The following CD86 variants were observed in gnomAD, a reference collection of about 807,000 sequenced individuals.
CD86 encodes the protein CD86 molecule.
CD86 carries 11 observed loss-of-function variants against 32.1 expected under a neutral mutation model. The ratio of observed to expected loss-of-function variants is 0.34; its 90% CI spans 0.22 to 0.57. The LOEUF (loss-of-function observed/expected upper bound fraction) is 0.57, where lower values mean the gene tolerates loss of function less well. Ranked by LOEUF, CD86 falls within the 20% of genes least tolerant of loss-of-function variation. CD86 has a pLI of 0.86. For missense variants in CD86, 359 were observed against 398.4 expected, an observed-to-expected ratio of 0.90 and a Z score of 0.84; for synonymous variants, 137 against 135.3, an observed-to-expected ratio of 1.01 and a Z score of -0.09.
At position 122,090,403 on chromosome 3, in the gene CD86, T is replaced by C. The variant is rs888493681; in HGVS notation, c.15-1198T>C. Among the ~76,000 whole-genome samples the C allele has an allele frequency of 7.2e-5, 11 of 152,220 alleles. 1 individual carries two copies. The highest frequency in any genetic ancestry group is 4.1e-4 in the South Asian group (2 of 4,832). ...ATTGATTTGTTTTTATCAACAGACCTATGAATTTAGTGGACAGACCTGTGA... is the reference window on the plus strand; with the variant it reads ...ATTGATTTGTTTTTATCAACAGACCCATGAATTTAGTGGACAGACCTGTGA... On this transcript the variant is annotated intron_variant, in intron 1 of 6. Coordinates refer to ENST00000330540, the MANE Select transcript of CD86 (RefSeq NM_175862.5).
chr3:122,071,089 T>G (rs2072482733), intron 1 of CD86, among the ~76,000 whole-genome samples: 1 of 152,244 alleles, frequency 6.6e-6, no homozygotes, highest in Non-Finnish European at 1.5e-5. Flanking sequence ...ATTAGTGTGA[T>G]GTATTTCTTA....
intron 1 of CD86, among the ~76,000 whole-genome samples, chr3:122,060,232 A>G (rs989247512): frequency 6.6e-6 from 1 of 152,218 alleles, no homozygotes; most frequent in African/African-American, 2.4e-5. Flanking sequence ...AATTCTGCAG[A>G]AAGGCGAAGT....
chr3:122,059,419 C>T (rs756160233), intron 1 of CD86, among the ~76,000 whole-genome samples: 2 of 151,934 alleles, frequency 1.3e-5, no homozygotes, highest in South Asian at 2.1e-4. Flanking sequence ...GCCTGTAGTC[C>T]CAGCTACTTG....
intron 1 of CD86, among the ~76,000 whole-genome samples, chr3:122,083,045 T>G (rs1401047743): frequency 6.6e-6 from 1 of 152,180 alleles, no homozygotes; most frequent in African/African-American, 2.4e-5. Flanking sequence ...TTAATTATAA[T>G]TCTAAATATT....
intron 5 of CD86, among the ~76,000 whole-genome samples, chr3:122,114,599 G>A (rs372077565): frequency 6.6e-6 from 1 of 152,158 alleles, no homozygotes; most frequent in Non-Finnish European, 1.5e-5. Context: ...AACATCTCTC[G>A]TGAAATGCTT....
chr3:122,074,367 CAA>C (rs1245611415), intron 1 of CD86, among the ~76,000 whole-genome samples: 21 of 152,204 alleles, frequency 1.4e-4, no homozygotes, highest in Non-Finnish European at 3.1e-4. Context: ...TGGGCTTTCA[CAA>C]AAGTCTGGAT....
intron 1 of CD86, among the ~76,000 whole-genome samples, chr3:122,070,666 C>A (rs994814831): frequency 2.0e-5 from 3 of 152,054 alleles, no homozygotes; most frequent in Non-Finnish European, 2.9e-5. Flanking sequence ...AAAACTGGGG[C>A]CTTTTCTTTA....
chr3:122,102,434 G>A (rs1311043771), intron 2 of CD86, among the ~76,000 whole-genome samples: 1 of 5,172 alleles, frequency 1.9e-4, no homozygotes, highest in Non-Finnish European at 4.4e-4. Context: ...TTTTTTTTTT[G>A]CCAAGTCTCA....
At chr3:122,063,291 A>C (rs1178094545) in intron 1 of CD86, among the ~76,000 whole-genome samples, 1 of 152,164 alleles carries the variant, frequency 6.6e-6, no homozygotes, top group Non-Finnish European at 1.5e-5. Flanking sequence ...TAATTATAAA[A>C]ATGTTTATAT....
intron 3 of CD86, among the ~76,000 whole-genome samples, chr3:122,104,946 G>A (rs2073068247): frequency 1.3e-5 from 2 of 152,144 alleles, no homozygotes; most frequent in Admixed American, 1.3e-4. Context: ...ACCCAGGTGT[G>A]GTATTACTGG....
chr3:122,083,241 C>A (rs1032389689), intron 1 of CD86, among the ~76,000 whole-genome samples: 14 of 152,166 alleles, frequency 9.2e-5, no homozygotes, highest in Non-Finnish European at 5.9e-5. Flanking sequence ...CTGATGATAT[C>A]AGTCTCAGCT....
At chr3:122,110,441 T>C (rs768607679) in intron 5 of CD86, among the ~76,000 whole-genome samples, 14 of 152,208 alleles carry the variant, frequency 9.2e-5, no homozygotes, top group Non-Finnish European at 1.8e-4. Context: ...TGATTGGTGC[T>C]AATAATTAAG....
chr3:122,075,924 A>G (rs2072548768), intron 1 of CD86, among the ~76,000 whole-genome samples: 1 of 152,224 alleles, frequency 6.6e-6, no homozygotes, highest in African/African-American at 2.4e-5. Flanking sequence ...ATGCCATGTT[A>G]TTTAACCGTC....
At chr3:122,115,591 T>C (rs906419711) in intron 5 of CD86, among the ~76,000 whole-genome samples, 13 of 151,704 alleles carry the variant, frequency 8.6e-5, no homozygotes, top group Non-Finnish European at 1.8e-4. Flanking sequence ...AAATACAAAA[T>C]TAGCCAGGCA....
At chr3:122,095,071 G>C (rs1305160970) in intron 2 of CD86, among the ~76,000 whole-genome samples, 2 of 152,046 alleles carry the variant, frequency 1.3e-5, no homozygotes, top group Admixed American at 6.6e-5. Flanking sequence ...TTTTGTCTGA[G>C]GGTTCTCTGG....
chr3:122,066,738 C>T (rs1354624392), intron 1 of CD86, among the ~76,000 whole-genome samples: 2 of 152,248 alleles, frequency 1.3e-5, no homozygotes, highest in East Asian at 3.9e-4. Context: ...CCACCCTGGG[C>T]CTGTTACTAT....
At chr3:122,086,194 T>C (rs1166094020) in intron 1 of CD86, among the ~76,000 whole-genome samples, 1 of 152,170 alleles carries the variant, frequency 6.6e-6, no homozygotes, top group African/African-American at 2.4e-5. Flanking sequence ...TAGCAAATGT[T>C]TGCCTGAAAG....
In CD86 at chr3:122,081,986, T is replaced by C. The variant is rs571121422; in HGVS notation, c.15-9615T>C. ...CTACTGTGTTAAAAATGAGAGGAAC[T>C]GACTCAGGGTGAGAGCGATGGAGTG... On this transcript the variant is annotated intron_variant, in intron 1 of 6. Coordinates refer to ENST00000330540, the MANE Select transcript of CD86 (RefSeq NM_175862.5). Among the ~76,000 whole-genome samples the C allele has an allele frequency of 3.4e-4, 52 of 152,320 alleles. No homozygotes were observed. The South Asian group carries it at 0.011, about 32-fold the overall frequency.
At position 122,119,432 on chromosome 3, in the gene CD86, C is replaced by T; in HGVS notation, c.894-6C>T. On this transcript the variant is annotated splice_polypyrimidine_tract_variant and splice_region_variant and intron_variant, in intron 6 of 6. Coordinates refer to ENST00000330540, the MANE Select transcript of CD86 (RefSeq NM_175862.5). ...TATCACCTAATCTTTTCTTCTATTT[C>T]TCCAGAGAAAAAATCCATATACCTG... 1 of 1,558,806 alleles carries T rather than the reference C, an allele frequency of 6.4e-7. No homozygotes were observed. Among genetic ancestry groups the T allele is most frequent in the Non-Finnish European group, 8.8e-7 (1 of 1,132,632 alleles).
Sources: gnomAD v4.1 joint callset for allele counts (sites outside exome capture counted in the v4.1 genomes callset) on GRCh38, gnomAD v4.1.1 for gene constraint, MANE v1.5 for transcripts, NCBI Gene and HGNC (gene_info 2026-07-23, HGNC 2026-07-21) for gene names.